The following SLC20A2 variants were observed in gnomAD, a reference collection of about 807,000 sequenced individuals.
SLC20A2 encodes solute carrier family 20 member 2.
In SLC20A2, 30 loss-of-function variants were observed where a neutral mutation model predicts 61.0. The observed-to-expected ratio is 0.49, with a 90% confidence interval of 0.37 to 0.67. The LOEUF (loss-of-function observed/expected upper bound fraction) is 0.67, where lower values mean the gene tolerates loss of function less well. Ranked by LOEUF, SLC20A2 falls within the 30% of genes least tolerant of loss-of-function variation. The pLI, the probability that SLC20A2 is intolerant of heterozygous loss-of-function variation, is 0.00. For synonymous variants in SLC20A2, 351 were observed against 353.3 expected (o/e 0.99, Z 0.07); for missense variants, 626 against 866.4 (o/e 0.72, Z 3.48).
At chr8:42,530,381 A>G (rs1348801154) in intron 1 of SLC20A2, among the ~76,000 whole-genome samples, 1 of 152,220 alleles carries the variant, frequency 6.6e-6, no homozygotes, top group East Asian at 1.9e-4. Flanking sequence ...GTTGGTATTA[A>G]ATATATATAA....
At chr8:42,508,386 G>A (rs892591285) in intron 1 of SLC20A2, among the ~76,000 whole-genome samples, 5 of 151,880 alleles carry the variant, frequency 3.3e-5, no homozygotes, top group Non-Finnish European at 5.9e-5. Context: ...ACGGAGTCTC[G>A]GAGTCTCGCT....
At chr8:42,498,662 T>C (rs1208249275) in intron 1 of SLC20A2, among the ~76,000 whole-genome samples, 1 of 152,154 alleles carries the variant, frequency 6.6e-6, no homozygotes, top group Non-Finnish European at 1.5e-5. Flanking sequence ...ACACTTGTTT[T>C]TAAGACGGAC....
chr8:42,459,257 A>AAAT (rs1563482766), intron 5 of SLC20A2, among the ~76,000 whole-genome samples: 2 of 150,854 alleles, frequency 1.3e-5, no homozygotes, highest in African/African-American at 4.9e-5. Flanking sequence ...AAAAAAAAAA[A>AAAT]AACATAAAAA....
At chr8:42,516,823 G>T (rs1372466451) in intron 1 of SLC20A2, among the ~76,000 whole-genome samples, 1 of 151,596 alleles carries the variant, frequency 6.6e-6, no homozygotes, top group Non-Finnish European at 1.5e-5. Context: ...TTCATCAACG[G>T]TGCTCTAACT....
chr8:42,451,951 T>A (rs1337018000), intron 5 of SLC20A2, among the ~76,000 whole-genome samples: 9 of 47,362 alleles, frequency 1.9e-4, no homozygotes, highest in Admixed American at 3.1e-4. Flanking sequence ...GAGGAAGAGA[T>A]GAAGAGGAGG....
At position 42,520,634 on chromosome 8, in the gene SLC20A2, G is replaced by T. The variant is rs1415912247; in HGVS notation, c.-265+21187C>A. ...CCAGCTACTCGGGAGGCTGAGGCAG[G>T]AGAAGGGCGTGAACCCGGGAGGCGG... On this transcript the variant is annotated intron_variant, in intron 1 of 10. Coordinates refer to the SLC20A2 transcript ENST00000342228. Among the ~76,000 whole-genome samples the T allele has an allele frequency of 1.7e-5, 2 of 117,022 alleles. 1 individual carries two copies. The highest frequency in any genetic ancestry group is 4.1e-5 in the Non-Finnish European group (2 of 48,886). 76.8% of individuals were successfully genotyped at this position (117,022 alleles called of 152,430 possible). A position where few individuals can be genotyped will look rare whatever the true frequency, so the allele number is the denominator to read the frequency against.
At chr8:42,449,429 T>C (rs751912360) in intron 5 of SLC20A2, among the ~76,000 whole-genome samples, 1 of 152,236 alleles carries the variant, frequency 6.6e-6, no homozygotes, top group Non-Finnish European at 1.5e-5. Context: ...AGACGAATAT[T>C]CAAGCCATTT....
chr8:42,519,030 G>C (rs1811484633), intron 1 of SLC20A2, among the ~76,000 whole-genome samples: 3 of 152,336 alleles, frequency 2.0e-5, no homozygotes, highest in South Asian at 2.1e-4. Context: ...CTAATGCACA[G>C]AGGACAGATG....
At chr8:42,428,613 T>C (rs1803598897) in intron 10 of SLC20A2, 145 bp downstream of exon 10, 2 of 613,952 alleles carry the variant, frequency 3.3e-6, no homozygotes, top group South Asian at 4.0e-5. Flanking sequence ...GATGGAGGAA[T>C]ACAAGGTCCC....
chr8:42,430,236 G>T lies in SLC20A2; in HGVS notation c.1537C>A (p.Pro513Thr), dbSNP rs1803743589. Reference sequence around the variant, plus strand: ...TAAATCAGCCACAAGGCTACCAGGGGACCGATGGCATTACTGGGAAAAATA... The same window carrying T: ...TAAATCAGCCACAAGGCTACCAGGGTACCGATGGCATTACTGGGAAAAATA... ...GGNDVSNAIG[P>T]LVALWLIYKQ... is the part of the protein sequence containing the mutation. The change falls in exon 9 of 11, where the codon CCC (proline) becomes ACC (threonine). Residue 513 changes from proline to threonine, a missense_variant. Physicochemically the swap from Pro to Thr is conservative, Grantham distance 38 (BLOSUM62 -1). This residue lies in a region of SLC20A2 where 138 missense variants were observed against 228.7 expected (regional missense o/e 0.60). Coordinates refer to ENST00000520262, the MANE Select transcript of SLC20A2 (RefSeq NM_001257180.2). The T allele has an allele frequency of 1.2e-6, 2 of 1,611,376 alleles. No individual in the cohort carries two copies. The highest frequency in any genetic ancestry group is 2.7e-5 in the African/African-American group (2 of 74,734).
Position 42,472,467 on chromosome 8 carries a change from TAA to T in SLC20A2, c.-79_-78del, listed in dbSNP as rs1315099650. 7.4e-7 allele frequency: 1 copy of T among 1,348,648 alleles called. No individual in the cohort carries two copies. Among genetic ancestry groups the T allele is most frequent in the Non-Finnish European group, 1.0e-6 (1 of 975,490 alleles). The allele number at this position is 1,348,648 out of a possible 1,614,324, so 83.5% of individuals were successfully genotyped here. A position where few individuals can be genotyped will look rare whatever the true frequency, so the allele number is the denominator to read the frequency against. On this transcript the variant is annotated 5_prime_UTR_variant, in exon 2 of 11. Transcript: ENST00000520262. The surrounding 1 kb of genome is among the most constrained non-coding windows in gnomAD (Gnocchi z 4.1). ...ACAAAGCTTGAGGTTATAAACTTCG[TAA>T]GGCCAAGAGTTCTTGTAAACAGTGA...
At chr8:42,539,462 A>G (rs941766542) in intron 1 of SLC20A2, among the ~76,000 whole-genome samples, 1 of 152,244 alleles carries the variant, frequency 6.6e-6, no homozygotes, top group Non-Finnish European at 1.5e-5. Context: ...ACTGGACTCA[A>G]TACTAAGCAT....
chr8:42,523,423 A>G lies in SLC20A2; in HGVS notation c.-265+18398T>C, dbSNP rs567688207. ...ACAGAGGCTATTATAGCATAAATTC[A>G]ATGCAAGTAAATGGGTATTTAAAAG... is the stretch of plus-strand genomic sequence containing the variant. On this transcript the variant is annotated intron_variant, in intron 1 of 10. Transcript: ENST00000342228. Among the ~76,000 whole-genome samples the G allele has an allele frequency of 9.2e-5, 14 of 152,344 alleles. No homozygotes were observed. In the East Asian group the frequency reaches 2.7e-3, roughly 29 times the overall value.
At chr8:42,428,928 A>G (rs1803633698) in intron 9 of SLC20A2, 86 bp from the exon 10 acceptor site, 8 of 1,113,624 alleles carry the variant, frequency 7.2e-6, no homozygotes, top group Non-Finnish European at 8.7e-6. Flanking sequence ...TCACCAGAAC[A>G]TTCTCTGGGG....
At chr8:42,425,591 C>T (rs532209710) in intron 10 of SLC20A2, among the ~76,000 whole-genome samples, 103 of 152,314 alleles carry the variant, frequency 6.8e-4, no homozygotes, top group African/African-American at 2.4e-3. Context: ...AGGCTTTGTC[C>T]AGAAGTCCAC....
rs185784951 is a variant in SLC20A2, at chr8:42,443,759, C to T, written c.730+887G>A. ...TTCCTGAGCTGCCTTCTCCAACCCC[C>T]ACCCATCCCAGGCGATCAGTGCTTT... On this transcript the variant is annotated intron_variant, in intron 6 of 10. Coordinates refer to ENST00000520262, the MANE Select transcript of SLC20A2 (RefSeq NM_001257180.2). Among the ~76,000 whole-genome samples the T allele has an allele frequency of 4.1e-3, 629 of 152,274 alleles. 16 individuals are homozygous for T. The highest frequency in any genetic ancestry group is 8.2e-4 in the Non-Finnish European group (56 of 68,002).
chr8:42,429,074 A>G (rs564602317), intron 9 of SLC20A2, among the ~76,000 whole-genome samples: 4 of 152,320 alleles, frequency 2.6e-5, no homozygotes, highest in Non-Finnish European at 5.9e-5. Context: ...TACGTTTTCA[A>G]AGACCACACA....
chr8:42,431,717 G>T (rs899796216), intron 8 of SLC20A2, among the ~76,000 whole-genome samples: 2 of 152,184 alleles, frequency 1.3e-5, no homozygotes, highest in African/African-American at 4.8e-5. Flanking sequence ...AATGCAGCTG[G>T]TAACTTTAGT....
intron 6 of SLC20A2, among the ~76,000 whole-genome samples, chr8:42,441,404 G>A (rs577858557): frequency 2.8e-4 from 41 of 145,326 alleles, no homozygotes; most frequent in African/African-American, 5.9e-4. Flanking sequence ...CGCCCACCTC[G>A]GCCTCCCAAA....
Sources: gnomAD v4.1 joint callset for allele counts (sites outside exome capture counted in the v4.1 genomes callset) on GRCh38, gnomAD v4.1.1 for gene constraint, gnomAD v4.1.1 regional missense constraint, Gnocchi (gnomAD v3.1) non-coding constraint, MANE v1.5 for transcripts, NCBI Gene and HGNC (gene_info 2026-07-23, HGNC 2026-07-21) for gene names.